Variants in ZSWIM6 observed in about 807,000 individuals in gnomAD.
ZSWIM6 encodes zinc finger SWIM-type containing 6.
A neutral mutation model predicts 113.2 loss-of-function variants in ZSWIM6; 9 were observed. The ratio of observed to expected loss-of-function variants is 0.08; its 90% CI spans 0.05 to 0.14. The LOEUF (loss-of-function observed/expected upper bound fraction) is 0.14, where lower values mean the gene tolerates loss of function less well. ZSWIM6 is among the 10% of genes least tolerant of loss of function. The pLI, the probability that ZSWIM6 is intolerant of heterozygous loss-of-function variation, is 1.00. For synonymous variants in ZSWIM6, 611 were observed against 606.5 expected (o/e 1.01, Z -0.11); for missense variants, 1,162 against 1,552.2 (o/e 0.75, Z 4.22).
At chr5:61,466,535 A>C (rs1444061977) in intron 1 of ZSWIM6, among the ~76,000 whole-genome samples, 1 of 152,210 alleles carries the variant, frequency 6.6e-6, no homozygotes, top group East Asian at 1.9e-4. Flanking sequence ...TTTTCAACAA[A>C]GAATATGTTA....
At chr5:61,440,092 A>G (rs758840378) in intron 1 of ZSWIM6, among the ~76,000 whole-genome samples, 1 of 152,078 alleles carries the variant, frequency 6.6e-6, no homozygotes, top group Non-Finnish European at 1.5e-5. Context: ...ACTATACCAC[A>G]GTTTTGTTTA....
At chr5:61,347,946 G>A (rs968502284) in intron 1 of ZSWIM6, among the ~76,000 whole-genome samples, 6 of 152,200 alleles carry the variant, frequency 3.9e-5, no homozygotes, top group African/African-American at 1.4e-4. Context: ...TTTGGGCCGG[G>A]CATGGTGGCT....
chr5:61,343,701 A>G (rs1361627283), intron 1 of ZSWIM6, among the ~76,000 whole-genome samples: 1 of 152,310 alleles, frequency 6.6e-6, no homozygotes, highest in African/African-American at 2.4e-5. Context: ...TCATTTCTAC[A>G]AAGAATATTG....
chr5:61,445,391 C>G (rs1342877452), intron 1 of ZSWIM6, among the ~76,000 whole-genome samples: 1 of 152,150 alleles, frequency 6.6e-6, no homozygotes, highest in Non-Finnish European at 1.5e-5. Context: ...AGATACAGTA[C>G]TGACAACTAT....
intron 2 of ZSWIM6, among the ~76,000 whole-genome samples, chr5:61,474,024 A>G (rs904871672): frequency 1.3e-5 from 2 of 152,222 alleles, no homozygotes; most frequent in African/African-American, 4.8e-5. Flanking sequence ...AGATTAACAA[A>G]GTGAACTGTC....
intron 1 of ZSWIM6, among the ~76,000 whole-genome samples, chr5:61,448,058 G>A (rs1245527771): frequency 6.6e-6 from 1 of 152,140 alleles, no homozygotes; most frequent in African/African-American, 2.4e-5. Context: ...GAGACTTTCT[G>A]GGAGACCTGA....
At chr5:61,534,686 A>G (rs527714314) in intron 9 of ZSWIM6, among the ~76,000 whole-genome samples, 67 of 149,290 alleles carry the variant, frequency 4.5e-4, no homozygotes, top group African/African-American at 1.6e-3. Context: ...TTATTTTAAA[A>G]GTCTATGTTG....
At chr5:61,339,483 A>G (rs560407367) in intron 1 of ZSWIM6, among the ~76,000 whole-genome samples, 2 of 152,098 alleles carry the variant, frequency 1.3e-5, no homozygotes, top group African/African-American at 2.4e-5. Context: ...TAGACTGTAA[A>G]TTTTCTTCAC....
In ZSWIM6 at chr5:61,531,485, T is replaced by C. The variant is rs1404576753; in HGVS notation, c.2005T>C (p.Ser669Pro). Residue 669 changes from serine (S) to proline (P), a missense_variant, in exon 9 of 14, where the codon TCT (serine) becomes CCT (proline). Ser to Pro is a moderately conservative substitution (Grantham distance 74, BLOSUM62 -1). This residue lies in a region of ZSWIM6 where 620 missense variants were observed against 804.6 expected (regional missense o/e 0.77). Transcript: ENST00000252744. ...DFTENMGQCK[S>P]LEYQHLPAHK... ...TGCAGAGAATATGGGACAGTGCAAGTCTCTGGAATACCAGCATCTACCTGC... is the reference window on the plus strand; with the variant it reads ...TGCAGAGAATATGGGACAGTGCAAGCCTCTGGAATACCAGCATCTACCTGC... 1 of 1,551,536 alleles carries C rather than the reference T, an allele frequency of 6.4e-7. No homozygotes were observed. Among genetic ancestry groups the C allele is most frequent in the African/African-American group, 1.4e-5 (1 of 73,158 alleles).
chr5:61,507,638 T>G (rs1748659429), intron 4 of ZSWIM6, among the ~76,000 whole-genome samples: 1 of 152,180 alleles, frequency 6.6e-6, no homozygotes, highest in Admixed American at 6.6e-5. Flanking sequence ...CCTGAAAAAT[T>G]GCAGTTTTCT....
chr5:61,373,255 C>T (rs1295362781), intron 1 of ZSWIM6, among the ~76,000 whole-genome samples: 1 of 151,896 alleles, frequency 6.6e-6, no homozygotes, highest in African/African-American at 2.4e-5. Flanking sequence ...GCTCTATTTA[C>T]ATTTAAGTAC....
intron 1 of ZSWIM6, among the ~76,000 whole-genome samples, chr5:61,447,098 A>T (rs1269288620): frequency 6.6e-6 from 1 of 152,112 alleles, no homozygotes; most frequent in African/African-American, 2.4e-5. Flanking sequence ...GAAGAACATC[A>T]TGTACTAAGC....
Position 61,421,693 on chromosome 5 carries a change from A to C in ZSWIM6, c.677-50988A>C, listed in dbSNP as rs140508090. ...CCCTTCTTTGTGTCCATGAGTTCTCATCATTTAGCTTCCACTTATAAGTGA... is the reference window on the plus strand; with the variant it reads ...CCCTTCTTTGTGTCCATGAGTTCTCCTCATTTAGCTTCCACTTATAAGTGA... On this transcript the variant is annotated intron_variant, in intron 1 of 13. Coordinates refer to ENST00000252744, the MANE Select transcript of ZSWIM6 (RefSeq NM_020928.2). Among the ~76,000 whole-genome samples, 30 of 152,270 alleles carry C rather than the reference A, an allele frequency of 2.0e-4. No individual in the cohort carries two copies. In the East Asian group the frequency reaches 5.8e-3, roughly 29 times the overall value.
chr5:61,510,543 G>C (rs1218414957), intron 4 of ZSWIM6, among the ~76,000 whole-genome samples: 1 of 149,612 alleles, frequency 6.7e-6, no homozygotes, highest in African/African-American at 2.5e-5. Context: ...CCCTAGTTTT[G>C]GTTTACTTTG....
intron 1 of ZSWIM6, among the ~76,000 whole-genome samples, chr5:61,377,239 T>C (rs1195695438): frequency 1.3e-5 from 2 of 152,068 alleles, no homozygotes; most frequent in South Asian, 4.1e-4. Flanking sequence ...TGGAAAAAAA[T>C]AAAGTTGGAT....
chr5:61,440,360 T>TAAA (rs11356012), intron 1 of ZSWIM6, among the ~76,000 whole-genome samples: 14 of 113,056 alleles, frequency 1.2e-4, no homozygotes, highest in African/African-American at 1.7e-4. Flanking sequence ...TTCATTGGTG[T>TAAA]AAAAAAAAAA....
chr5:61,477,263 C>A (rs1405848163), intron 2 of ZSWIM6, among the ~76,000 whole-genome samples: 2 of 152,122 alleles, frequency 1.3e-5, no homozygotes, highest in African/African-American at 4.8e-5. Context: ...ATTTCAGTGG[C>A]CCTTTTACTC....
At chr5:61,364,746 A>G (rs1401962937) in intron 1 of ZSWIM6, among the ~76,000 whole-genome samples, 1 of 152,148 alleles carries the variant, frequency 6.6e-6, no homozygotes, top group Non-Finnish European at 1.5e-5. Flanking sequence ...TGATGGGAAG[A>G]ATGAGGGGGT....
intron 1 of ZSWIM6, among the ~76,000 whole-genome samples, chr5:61,386,367 T>G (rs899336853): frequency 2.0e-5 from 3 of 152,254 alleles, no homozygotes; most frequent in Admixed American, 2.0e-4. Flanking sequence ...TTAATTGGGC[T>G]GTGGCTGTTT....
Sources: gnomAD v4.1 joint callset for allele counts (sites outside exome capture counted in the v4.1 genomes callset) on GRCh38, gnomAD v4.1.1 for gene constraint, gnomAD v4.1.1 regional missense constraint, MANE v1.5 for transcripts, NCBI Gene and HGNC (gene_info 2026-07-23, HGNC 2026-07-21) for gene names.